The following DPH6 variants were observed in gnomAD, a reference collection of about 807,000 sequenced individuals.
DPH6 encodes the protein diphthine--ammonia ligase.
A neutral mutation model predicts 38.2 loss-of-function variants in DPH6; 33 were observed. The observed-to-expected ratio is 0.86, with a 90% confidence interval of 0.65 to 1.15. The LOEUF (loss-of-function observed/expected upper bound fraction) is 1.15. Ranked by LOEUF, DPH6 falls within the 50% of genes most tolerant of loss-of-function variation. DPH6 has a pLI of 0.00. For synonymous variants in DPH6, 108 were observed against 103.0 expected (o/e 1.05, Z -0.30); for missense variants, 325 against 320.0 (o/e 1.02, Z -0.12).
At chr15:35,164,629 G>A in the DPH6 span, among the ~76,000 whole-genome samples, 20 of 151,804 alleles carry the variant, frequency 1.3e-4, no homozygotes, top group African/African-American at 4.8e-4. Context: ...GCGTTTCTGT[G>A]GGTGGAAAAA....
At chr15:35,198,013 C>A in the DPH6 span, among the ~76,000 whole-genome samples, 1 of 151,888 alleles carries the variant, frequency 6.6e-6, no homozygotes, top group Non-Finnish European at 1.5e-5. Flanking sequence ...GACCTCATGG[C>A]ACATATTTTA....
chr15:35,311,234 T>C (rs1380161068), intron 3 of DPH6, among the ~76,000 whole-genome samples: 3 of 152,178 alleles, frequency 2.0e-5, no homozygotes, highest in Non-Finnish European at 1.5e-5. Flanking sequence ...ATTATGGTAA[T>C]TATTAATTTA....
chr15:35,483,957 C>T (rs2054362477), intron 3 of DPH6, among the ~76,000 whole-genome samples: 1 of 152,134 alleles, frequency 6.6e-6, no homozygotes, highest in African/African-American at 2.4e-5. Flanking sequence ...ATTTCATTTA[C>T]ATGAAATGTT....
Position 35,452,168 on chromosome 15 carries a change from TC to T in DPH6, c.387-1366del, listed in dbSNP as rs1439855709. 7.8e-4 allele frequency among the ~76,000 whole-genome samples: 4 copies of T among 5,104 alleles called. No homozygotes were observed. The East Asian group carries it at 0.025, about 32-fold the overall frequency. 3.3% of individuals were successfully genotyped at this position (5,104 alleles called of 152,430 possible). On this transcript the variant is annotated intron_variant, in intron 4 of 8. Transcript: ENST00000256538. ...TTCTCTTCTCACTCCATCCTACCAC[TC>T]ACTGCTGCCTGCTCATTCTTGCCTA...
chr15:35,236,475 A>G (rs929147885), intron 3 of DPH6, among the ~76,000 whole-genome samples: 1 of 152,030 alleles, frequency 6.6e-6, no homozygotes, highest in Admixed American at 6.6e-5. Flanking sequence ...CGTCTCTACT[A>G]AAAATACAAA....
chr15:35,306,264 C>T (rs761126447), intron 3 of DPH6, among the ~76,000 whole-genome samples: 4 of 152,178 alleles, frequency 2.6e-5, no homozygotes, highest in Non-Finnish European at 5.9e-5. Flanking sequence ...TGTTTCTAAA[C>T]TGTTTTTTAT....
intron 3 of DPH6, among the ~76,000 whole-genome samples, chr15:35,228,050 T>C (rs1233993591): frequency 6.6e-6 from 1 of 152,208 alleles, no homozygotes; most frequent in East Asian, 1.9e-4. Flanking sequence ...TATATGGTTT[T>C]TCCTTTAGAA....
intron 5 of DPH6, among the ~76,000 whole-genome samples, chr15:35,445,789 G>A (rs573644444): frequency 6.6e-6 from 1 of 152,308 alleles, no homozygotes; most frequent in South Asian, 2.1e-4. Context: ...TGTTACTACT[G>A]TATTAATTTT....
At chr15:35,216,656 G>A (rs2051412257), downstream of DPH6, among the ~76,000 whole-genome samples, 3 of 152,146 alleles carry the variant, frequency 2.0e-5, no homozygotes, top group Non-Finnish European at 1.5e-5. Flanking sequence ...GTGCCTATAT[G>A]TGCTGAGCAC....
the DPH6 span, among the ~76,000 whole-genome samples, chr15:35,183,439 T>C: frequency 1.3e-5 from 2 of 152,204 alleles, no homozygotes; most frequent in African/African-American, 2.4e-5. Context: ...TTTACAATAA[T>C]AGTGTCTAAA....
At chr15:35,507,143 T>C (rs1370958210) in intron 3 of DPH6, among the ~76,000 whole-genome samples, 1 of 152,106 alleles carries the variant, frequency 6.6e-6, no homozygotes, top group South Asian at 2.1e-4. Flanking sequence ...AATATCTATA[T>C]TTAGAAAATA....
In DPH6 at chr15:35,478,404, C is replaced by CAT. The variant is rs1337564814; in HGVS notation, c.313-23585_313-23584insAT. On this transcript the variant is annotated intron_variant, in intron 3 of 8. Coordinates refer to ENST00000256538, the MANE Select transcript of DPH6 (RefSeq NM_080650.4). ...ACACACACACACACACACACACACA[C>CAT]AAAGATTGTAAAAATATGCAGTGGA... is the stretch of plus-strand genomic sequence containing the variant. Among the ~76,000 whole-genome samples the CAT allele has an allele frequency of 6.3e-3, 864 of 136,320 alleles. 7 individuals are homozygous for CAT. The highest frequency in any genetic ancestry group is 0.019 in the African/African-American group (735 of 38,776). 89.4% of individuals were successfully genotyped at this position (136,320 alleles called of 152,430 possible).
At chr15:35,479,612 T>C (rs1057195183) in intron 3 of DPH6, among the ~76,000 whole-genome samples, 13 of 152,046 alleles carry the variant, frequency 8.6e-5, no homozygotes, top group African/African-American at 3.1e-4. Context: ...CAGGATGAAA[T>C]TCAAACTGGT....
intron 3 of DPH6, among the ~76,000 whole-genome samples, chr15:35,523,212 C>T (rs2054947605): frequency 6.8e-6 from 1 of 146,662 alleles, no homozygotes; most frequent in East Asian, 2.0e-4. Context: ...AGTGTAGCTG[C>T]ATTTTTGAGT....
chr15:35,387,336 G>A (rs2052979175), intron 6 of DPH6, among the ~76,000 whole-genome samples: 1 of 152,044 alleles, frequency 6.6e-6, no homozygotes, highest in African/African-American at 2.4e-5. Context: ...CTCTTTTTTG[G>A]TTCCATATAA....
chr15:35,330,735 T>C (rs1311027225), downstream of DPH6: 1 of 152,210 alleles, frequency 6.6e-6, no homozygotes, highest in Non-Finnish European at 1.5e-5. Flanking sequence ...GTTTTACTTT[T>C]TCTCTTTACA....
intron 1 of DPH6, among the ~76,000 whole-genome samples, chr15:35,545,831 C>T (rs1404381431): frequency 6.6e-6 from 1 of 152,034 alleles, no homozygotes; most frequent in East Asian, 1.9e-4. Context: ...GCGGTGGGGC[C>T]CAGGCGTCGG....
chr15:35,152,045 G>A, the DPH6 span, among the ~76,000 whole-genome samples: 1 of 152,140 alleles, frequency 6.6e-6, no homozygotes, highest in East Asian at 1.9e-4. Flanking sequence ...TCCTTCTTAA[G>A]TGTACATATA....
At chr15:35,222,544 G>T (rs924973105) in intron 3 of DPH6, among the ~76,000 whole-genome samples, 11 of 151,992 alleles carry the variant, frequency 7.2e-5, no homozygotes, top group African/African-American at 2.4e-4. Flanking sequence ...TGAAGGGGGG[G>T]GTTTCAGGTC....
Sources: gnomAD v4.1 joint callset for allele counts (sites outside exome capture counted in the v4.1 genomes callset) on GRCh38, gnomAD v4.1.1 for gene constraint, MANE v1.5 for transcripts, NCBI Gene and HGNC (gene_info 2026-07-23, HGNC 2026-07-21) for gene names.